Variants in SLAMF1 observed in about 807,000 individuals in gnomAD.
The protein encoded by SLAMF1 is signaling lymphocytic activation molecule family member 1, also known as signaling lymphocytic activation molecule.
Under a neutral mutation model 35.1 loss-of-function variants are expected in SLAMF1, and 18 were observed. The ratio of observed to expected loss-of-function variants is 0.51; its 90% CI spans 0.35 to 0.76. SLAMF1 has a LOEUF of 0.76. Among genes scored for constraint, SLAMF1 ranks in the 30% least tolerant of loss-of-function variants. The probability of loss-of-function intolerance (pLI) is 0.01; values close to 1 mark genes in which losing one functional copy is unlikely to be tolerated. For missense variants in SLAMF1, 392 were observed against 413.0 expected (o/e 0.95, Z 0.44); for synonymous variants, 168 against 157.2 (o/e 1.07, Z -0.51).
intron 3 of SLAMF1, among the ~76,000 whole-genome samples, chr1:160,634,067 G>T (rs1487158523): frequency 6.6e-6 from 1 of 152,178 alleles, no homozygotes; most frequent in African/African-American, 2.4e-5. Context: ...CCTGCTATGG[G>T]ATTCACAGTC....
rs556512919 is a variant in SLAMF1 at position 160,623,200 on chromosome 1, T to C, written c.790+896A>G. Among the ~76,000 whole-genome samples the C allele has an allele frequency of 3.0e-4, 45 of 152,292 alleles. No homozygotes were observed. The East Asian group carries it at 8.7e-3, about 29-fold the overall frequency. ...TTAAGTTCAGTTTTCTCATCCTGGG[T>C]CATCTCACTATTTCCTTATAGTATG... On this transcript the variant is annotated intron_variant, in intron 4 of 6. Coordinates refer to ENST00000302035, the MANE Select transcript of SLAMF1 (RefSeq NM_003037.5).
chr1:160,637,186 A>G lies in SLAMF1; in HGVS notation c.415+5T>C, dbSNP rs1346705384. ...AGTGTGGACTGGGGAAGCCGCCATT[A>G]TTACCATAAAGCCTCAACTGCAGGC... On this transcript the variant is annotated splice_donor_5th_base_variant and intron_variant, in intron 2 of 6. Transcript: ENST00000302035. 1 of 1,610,442 alleles carries G rather than the reference A, an allele frequency of 6.2e-7. No homozygotes were observed. Among genetic ancestry groups the G allele is most frequent in the Middle Eastern group, 1.7e-4 (1 of 6,052 alleles).
chr1:160,612,467 G>A, intron 6 of SLAMF1, 21 bp downstream of exon 6: 1 of 1,510,106 alleles, frequency 6.6e-7, no homozygotes, highest in East Asian at 2.3e-5. Context: ...TCTACGGAGA[G>A]TAGGCAGAGA....
chr1:160,627,524 G>A (rs1359013204), intron 3 of SLAMF1, among the ~76,000 whole-genome samples: 1 of 152,146 alleles, frequency 6.6e-6, no homozygotes, highest in Non-Finnish European at 1.5e-5. Context: ...TTATGGCTTA[G>A]TTTCCCTACC....
At position 160,626,270 on chromosome 1, in the gene SLAMF1, G is replaced by T. The variant is rs185083279; in HGVS notation, c.701-2085C>A. On this transcript the variant is annotated intron_variant, in intron 3 of 6. Coordinates refer to ENST00000302035, the MANE Select transcript of SLAMF1 (RefSeq NM_003037.5). ...GGTGAGTCAGCCTCCTCTCCCTCGCGCCCGACGCCGGTTGCTCTGCTGCCC... is the reference window on the plus strand; with the variant it reads ...GGTGAGTCAGCCTCCTCTCCCTCGCTCCCGACGCCGGTTGCTCTGCTGCCC... Among the ~76,000 whole-genome samples the T allele has an allele frequency of 2.1e-4, 32 of 152,220 alleles. No individual in the cohort carries two copies. The East Asian group carries it at 6.2e-3, about 29-fold the overall frequency.
At chr1:160,614,066 C>T (rs536449270) in intron 5 of SLAMF1, among the ~76,000 whole-genome samples, 12 of 152,284 alleles carry the variant, frequency 7.9e-5, no homozygotes, top group African/African-American at 1.9e-4. Flanking sequence ...CCAGGTGATG[C>T]TGATGCTGCT....
chr1:160,641,323 C>T (rs775820665), intron 1 of SLAMF1, among the ~76,000 whole-genome samples: 7 of 152,012 alleles, frequency 4.6e-5, no homozygotes, highest in East Asian at 3.9e-4. Flanking sequence ...CATAACCCAT[C>T]GCCACCACTC....
intron 5 of SLAMF1, 35 bp from the exon 6 acceptor site, chr1:160,612,615 C>A: frequency 7.7e-7 from 1 of 1,306,006 alleles, no homozygotes; most frequent in Non-Finnish European, 1.1e-6. Flanking sequence ...ATTAGCTGAA[C>A]AGAGAGAGCT....
At chr1:160,614,681 G>A (rs964098524) in intron 5 of SLAMF1, among the ~76,000 whole-genome samples, 4 of 152,060 alleles carry the variant, frequency 2.6e-5, no homozygotes, top group African/African-American at 9.7e-5. Flanking sequence ...GCAGAAGGAG[G>A]CAAATAACTT....
chr1:160,625,847 G>GTGAGTA (rs1659854668), intron 3 of SLAMF1, among the ~76,000 whole-genome samples: 1 of 148,132 alleles, frequency 6.8e-6, no homozygotes, highest in African/African-American at 2.5e-5. Flanking sequence ...GTGTGTGTGT[G>GTGAGTA]TGTGTGTATG....
At chr1:160,623,520 G>A in intron 4 of SLAMF1, 1 of 398,692 alleles carries the variant, frequency 2.5e-6, no homozygotes, top group Non-Finnish European at 4.4e-6. Flanking sequence ...AGGCAGCCGG[G>A]GCATCTCTCC....
In SLAMF1 at chr1:160,614,301, C is replaced by T. The variant is rs567218299; in HGVS notation, c.865-1721G>A. On this transcript the variant is annotated intron_variant, in intron 5 of 6. Coordinates refer to ENST00000302035, the MANE Select transcript of SLAMF1 (RefSeq NM_003037.5). ...GTTTATTAAGAGACCTTTGGCCGGG[C>T]GTGGTGGCTCACGCCTGTAATCCCA... 2.0e-4 allele frequency among the ~76,000 whole-genome samples: 31 copies of T among 152,234 alleles called. No homozygotes were observed. In the South Asian group the frequency reaches 6.0e-3, roughly 30 times the overall value.
chr1:160,626,851 T>C (rs1032929852), intron 3 of SLAMF1, among the ~76,000 whole-genome samples: 1 of 152,070 alleles, frequency 6.6e-6, no homozygotes, highest in Non-Finnish European at 1.5e-5. Context: ...CAGGCTCCAC[T>C]CCATACTCTC....
chr1:160,628,950 A>C (rs577497459), intron 3 of SLAMF1, among the ~76,000 whole-genome samples: 1 of 152,308 alleles, frequency 6.6e-6, no homozygotes, highest in South Asian at 2.1e-4. Context: ...CTCTTTGCTC[A>C]GTCATGTAGT....
chr1:160,619,285 G>A (rs543026207), intron 5 of SLAMF1, among the ~76,000 whole-genome samples: 10 of 152,226 alleles, frequency 6.6e-5, no homozygotes, highest in African/African-American at 2.4e-4. Context: ...CTCTGTCACA[G>A]TTTTCTTTCT....
intron 3 of SLAMF1, among the ~76,000 whole-genome samples, chr1:160,626,060 A>G (rs1659865407): frequency 6.6e-6 from 1 of 152,204 alleles, no homozygotes; most frequent in Non-Finnish European, 1.5e-5. Context: ...TTCTTCTTCT[A>G]TCATAGATAC....
intron 1 of SLAMF1, among the ~76,000 whole-genome samples, chr1:160,643,255 C>T (rs1010876122): frequency 2.0e-5 from 3 of 152,136 alleles, no homozygotes; most frequent in Admixed American, 1.3e-4. Flanking sequence ...CCAGATAGTC[C>T]GTTACATGTC....
At chr1:160,623,620 A>G (rs1436364670) in intron 4 of SLAMF1, 1 of 399,062 alleles carries the variant, frequency 2.5e-6, no homozygotes, top group East Asian at 3.6e-5. Flanking sequence ...ATATTGTATC[A>G]TAGGGAAATT....
intron 1 of SLAMF1, among the ~76,000 whole-genome samples, chr1:160,640,370 A>ACT (rs1262363577): frequency 7.2e-6 from 1 of 139,192 alleles, no homozygotes; most frequent in African/African-American, 2.7e-5. Flanking sequence ...ACACACACAC[A>ACT]CACACATATA....
Sources: gnomAD v4.1 joint callset for allele counts (sites outside exome capture counted in the v4.1 genomes callset) on GRCh38, gnomAD v4.1.1 for gene constraint, MANE v1.5 for transcripts, NCBI Gene and HGNC (gene_info 2026-07-23, HGNC 2026-07-21) for gene names.